The following KLHL1 variants were observed in gnomAD, a reference collection of about 807,000 sequenced individuals.
The protein encoded by KLHL1 is kelch-like protein 1.
KLHL1 carries 47 observed loss-of-function variants against 77.7 expected under a neutral mutation model. The ratio of observed to expected loss-of-function variants is 0.60; its 90% CI spans 0.48 to 0.77. KLHL1 has a LOEUF of 0.77. Among genes scored for constraint, KLHL1 ranks in the 30% least tolerant of loss-of-function variants. The probability of loss-of-function intolerance (pLI) is 0.00; values close to 1 mark genes in which losing one functional copy is unlikely to be tolerated. For synonymous variants in KLHL1, 360 were observed against 325.2 expected, an observed-to-expected ratio of 1.11 and a Z score of -1.15; for missense variants, 925 against 910.8, an observed-to-expected ratio of 1.02 and a Z score of -0.20.
chr13:70,012,118 C>G (rs934239514), intron 1 of KLHL1, among the ~76,000 whole-genome samples: 2 of 152,116 alleles, frequency 1.3e-5, no homozygotes, highest in African/African-American at 4.8e-5. Flanking sequence ...TCGAGTCCCT[C>G]CCACAACACG....
intron 8 of KLHL1, among the ~76,000 whole-genome samples, chr13:69,729,399 GA>G: frequency 6.6e-6 from 1 of 152,028 alleles, no homozygotes; most frequent in East Asian, 1.9e-4. Flanking sequence ...CTAAACTTAA[GA>G]TAAGTGTTCA....
At chr13:69,958,890 TAC>T (rs1364056129) in intron 3 of KLHL1, among the ~76,000 whole-genome samples, 3 of 152,008 alleles carry the variant, frequency 2.0e-5, no homozygotes, top group Admixed American at 6.6e-5. Flanking sequence ...AGGTAGATAG[TAC>T]AGTTACCTCC....
intron 4 of KLHL1, among the ~76,000 whole-genome samples, chr13:69,915,239 C>T (rs9542112): frequency 0.44 from 66,989 of 151,330 alleles, 15,331 homozygotes; most frequent in East Asian, 0.6. Context: ...TTGGAAAAAA[C>T]TACTTTCAAG....
At chr13:69,792,799 T>A (rs1199178591) in intron 7 of KLHL1, among the ~76,000 whole-genome samples, 2 of 152,154 alleles carry the variant, frequency 1.3e-5, no homozygotes, top group Non-Finnish European at 2.9e-5. Context: ...AGAAATTGTA[T>A]AATTATTTTT....
Position 69,838,973 on chromosome 13 carries a change from T to C in KLHL1, c.1414+3A>G, listed in dbSNP as rs1343316922. On this transcript the variant is annotated splice_donor_region_variant and intron_variant, in intron 6 of 10. Coordinates refer to ENST00000377844, the MANE Select transcript of KLHL1 (RefSeq NM_020866.3). ...ATAGTTATATAAATCCAGAATTAAA[T>C]ACCTTTGTTGTTATCCATTCCTCCT... 1 of 1,589,536 alleles carries C rather than the reference T, an allele frequency of 6.3e-7. No individual in the cohort carries two copies. Among genetic ancestry groups the C allele is most frequent in the South Asian group, 1.2e-5 (1 of 86,210 alleles).
Position 69,789,060 on chromosome 13 carries a change from T to G in KLHL1, c.1639+7678A>C, listed in dbSNP as rs144285176. ...CTATCTATCTATCTATCTATCTATCTATCTACTTATTTACCTACATATCCA... is the reference window on the plus strand; with the variant it reads ...CTATCTATCTATCTATCTATCTATCGATCTACTTATTTACCTACATATCCA... On this transcript the variant is annotated intron_variant, in intron 7 of 10. Transcript: ENST00000377844. Among the ~76,000 whole-genome samples, 128 of 147,334 alleles carry G rather than the reference T, an allele frequency of 8.7e-4. 1 individual carries two copies. Among genetic ancestry groups the G allele is most frequent in the African/African-American group, 3.1e-3 (124 of 39,538 alleles).
rs554586993 is a variant in KLHL1 at position 69,887,576 on chromosome 13, G to A, written c.1015-5081C>T. Among the ~76,000 whole-genome samples, 177 of 152,202 alleles carry A rather than the reference G, an allele frequency of 1.2e-3. 5 individuals carry two copies. The South Asian group carries it at 0.02, about 17-fold the overall frequency. On this transcript the variant is annotated intron_variant, in intron 4 of 10. Coordinates refer to ENST00000377844, the MANE Select transcript of KLHL1 (RefSeq NM_020866.3). ...AGAGATTTCTTTTGCCAAGTGTTTTGCCACTCACAAGTTCTTCTTTCCACA... is the reference window on the plus strand; with the variant it reads ...AGAGATTTCTTTTGCCAAGTGTTTTACCACTCACAAGTTCTTCTTTCCACA...
At chr13:69,747,580 C>A (rs9564601) in intron 7 of KLHL1, among the ~76,000 whole-genome samples, 36,001 of 151,394 alleles carry the variant, frequency 0.24, 4,454 homozygotes, top group South Asian at 0.32. Context: ...GCCTCAGGGA[C>A]AATATAAAAA....
At chr13:69,994,207 T>C (rs1953382396) in intron 1 of KLHL1, among the ~76,000 whole-genome samples, 1 of 152,072 alleles carries the variant, frequency 6.6e-6, no homozygotes, top group Non-Finnish European at 1.5e-5. Context: ...ATATACAACA[T>C]AATGCCTGTT....
chr13:69,774,735 C>G (rs983572871), intron 7 of KLHL1, among the ~76,000 whole-genome samples: 2 of 151,846 alleles, frequency 1.3e-5, no homozygotes, highest in African/African-American at 4.8e-5. Context: ...TAAAATAATG[C>G]AATAATATTT....
At chr13:69,890,505 G>A (rs550076648) in intron 4 of KLHL1, among the ~76,000 whole-genome samples, 1 of 152,102 alleles carries the variant, frequency 6.6e-6, no homozygotes, top group African/African-American at 2.4e-5. Context: ...CTGCTGAATA[G>A]CTCTATTAGA....
chr13:69,923,427 T>A (rs756680248), intron 4 of KLHL1, among the ~76,000 whole-genome samples: 18 of 152,190 alleles, frequency 1.2e-4, no homozygotes, highest in Non-Finnish European at 1.9e-4. Context: ...GCTAAAGTTC[T>A]TGTCTTCTTG....
At chr13:69,923,998 A>T (rs1188453304) in intron 4 of KLHL1, among the ~76,000 whole-genome samples, 1 of 152,172 alleles carries the variant, frequency 6.6e-6, no homozygotes, top group African/African-American at 2.4e-5. Flanking sequence ...CTTGGAACAC[A>T]GTTGAGGCTA....
intron 1 of KLHL1, among the ~76,000 whole-genome samples, chr13:70,021,585 C>T (rs1885796250): frequency 6.6e-6 from 1 of 152,016 alleles, no homozygotes; most frequent in Admixed American, 6.6e-5. Flanking sequence ...AAGCATCTGC[C>T]AAACTGTCTC....
rs1251647740 is a variant in KLHL1, at chr13:69,882,500, A to G, written c.1015-5T>C. The G allele has an allele frequency of 3.1e-6, 5 of 1,600,074 alleles. No individual in the cohort carries two copies. The highest frequency in any genetic ancestry group is 4.3e-6 in the Non-Finnish European group (5 of 1,167,738). ...GATAACTTCCATTATGTTTTCCTGCAGGGAGAAAATATCTTGGCATAAATT... is the reference window on the plus strand; with the variant it reads ...GATAACTTCCATTATGTTTTCCTGCGGGGAGAAAATATCTTGGCATAAATT... On this transcript the variant is annotated splice_polypyrimidine_tract_variant and splice_region_variant and intron_variant, in intron 4 of 10. Transcript: ENST00000377844.
intron 4 of KLHL1, among the ~76,000 whole-genome samples, chr13:69,892,138 T>C (rs987437345): frequency 1.6e-4 from 25 of 152,118 alleles, no homozygotes; most frequent in Non-Finnish European, 8.8e-5. Context: ...ACATCGGTAT[T>C]TGCCAATATT....
chr13:69,816,211 GT>G (rs1443866237), intron 6 of KLHL1, among the ~76,000 whole-genome samples: 2 of 151,182 alleles, frequency 1.3e-5, no homozygotes, highest in Admixed American at 6.6e-5. Context: ...TAGGACAGCT[GT>G]GTGTGAATGC....
At chr13:70,095,290 T>C (rs1887760247) in intron 1 of KLHL1, among the ~76,000 whole-genome samples, 1 of 152,194 alleles carries the variant, frequency 6.6e-6, no homozygotes, top group African/African-American at 2.4e-5. Flanking sequence ...AGAGGAAATA[T>C]AATGATATGC....
At chr13:69,928,450 T>A (rs910154669) in intron 4 of KLHL1, among the ~76,000 whole-genome samples, 1 of 152,226 alleles carries the variant, frequency 6.6e-6, no homozygotes, top group Admixed American at 6.5e-5. Context: ...TAACTTGCCA[T>A]GGGCATTGGG....
Sources: allele counts gnomAD v4.1 joint callset (sites outside exome capture counted in the v4.1 genomes callset), GRCh38; gene constraint gnomAD v4.1.1; transcripts MANE v1.5; gene names NCBI Gene and HGNC (gene_info 2026-07-23, HGNC 2026-07-21).